DICER1: variants seen among roughly 807,000 people sequenced by gnomAD.
The protein encoded by DICER1 is dicer 1, ribonuclease III.
In DICER1, 43 loss-of-function variants were observed where a neutral mutation model predicts 194.1. The observed-to-expected ratio is 0.22, with a 90% CI of 0.17 to 0.29. The LOEUF is 0.29. Among genes scored for constraint, DICER1 ranks in the 10% least tolerant of loss-of-function variants. The pLI, the probability that DICER1 is intolerant of heterozygous loss-of-function variation, is 1.00. For synonymous variants in DICER1, 832 were observed against 820.5 expected (o/e 1.01, Z -0.24); for missense variants, 1,608 against 2,317.0 (o/e 0.69, Z 6.28).
chr14:95,100,036 T>C, intron 21 of DICER1, 101 bp from the exon 22 acceptor site: 1 of 1,291,780 alleles, frequency 7.7e-7, no homozygotes, highest in Non-Finnish European at 1.1e-6. Flanking sequence ...TTAAAATTAA[T>C]CAATTAATTA....
chr14:95,156,126 T>C (rs1221958212), intron 1 of DICER1, among the ~76,000 whole-genome samples: 1 of 152,262 alleles, frequency 6.6e-6, no homozygotes, highest in Non-Finnish European at 1.5e-5. Context: ...ATATTCAATA[T>C]AGCTAACCTG....
intron 1 of DICER1, among the ~76,000 whole-genome samples, chr14:95,139,125 C>G (rs1274947840): frequency 2.0e-5 from 3 of 152,156 alleles, no homozygotes; most frequent in Non-Finnish European, 4.4e-5. Flanking sequence ...GACTGACCAA[C>G]TGAAAGTGTT....
rs1390383850 is a variant in DICER1 at position 95,124,692 on chromosome 14, A to T, written c.904-24T>A. On this transcript the variant is annotated intron_variant, in intron 7 of 26. Coordinates refer to ENST00000343455, the MANE Select transcript of DICER1 (RefSeq NM_177438.3). The surrounding 1 kb of genome is among the most constrained non-coding windows in gnomAD (Gnocchi z 4.5). Reference sequence around the variant, plus strand: ...ATCTACAAAAAAAAGAAAAGAAAAAACCTAATGCCAAATAATAATAATGTA... The same window carrying T: ...ATCTACAAAAAAAAGAAAAGAAAAATCCTAATGCCAAATAATAATAATGTA... 1 of 1,546,716 alleles carries T rather than the reference A, an allele frequency of 6.5e-7. No homozygotes were observed. The highest frequency in any genetic ancestry group is 1.1e-5 in the South Asian group (1 of 89,642).
intron 1 of DICER1, among the ~76,000 whole-genome samples, chr14:95,137,622 A>C (rs1023120000): frequency 2.6e-5 from 4 of 152,166 alleles, no homozygotes; most frequent in Non-Finnish European, 5.9e-5. Context: ...GAAAGCCATC[A>C]GGCCACAAAT....
intron 17 of DICER1, among the ~76,000 whole-genome samples, chr14:95,106,763 T>G (rs139401263): frequency 6.6e-6 from 1 of 152,262 alleles, no homozygotes; most frequent in African/African-American, 2.4e-5. Flanking sequence ...CTCCATTCCC[T>G]AAATTTTTAT....
At chr14:95,148,434 A>G (rs1473425408) in intron 1 of DICER1, among the ~76,000 whole-genome samples, 1 of 152,222 alleles carries the variant, frequency 6.6e-6, no homozygotes, top group Non-Finnish European at 1.5e-5. Context: ...TTGTATGCCT[A>G]AGAATAGGGT....
intron 1 of DICER1, among the ~76,000 whole-genome samples, chr14:95,137,381 G>A (rs1419786413): frequency 7.1e-6 from 1 of 140,408 alleles, no homozygotes; most frequent in Admixed American, 7.3e-5. Context: ...GGGGGAAGGG[G>A]AAGGAAAAGG....
At position 95,093,496 on chromosome 14, in the gene DICER1, C is replaced by A. The variant is rs73329749; in HGVS notation, c.5364+392G>T. Reference sequence around the variant, plus strand: ...TTATGATGCTTCCCTGAGATATTAGCAAATATTTCTGATCCATTTAAAAAA... The same window carrying A: ...TTATGATGCTTCCCTGAGATATTAGAAAATATTTCTGATCCATTTAAAAAA... On this transcript the variant is annotated intron_variant, in intron 24 of 26. Transcript: ENST00000343455. Among the ~76,000 whole-genome samples, 5,050 of 152,276 alleles carry A rather than the reference C, an allele frequency of 0.033. 302 individuals are homozygous for A. The highest frequency in any genetic ancestry group is 0.12 in the African/African-American group (4,818 of 41,528).
rs1254200271 is a variant in DICER1 at position 95,096,109 on chromosome 14, C to A, written c.4811G>T (p.Cys1604Phe). Residue 1604 changes from cysteine to phenylalanine, a missense_variant, in exon 23 of 27, where the codon TGC becomes TTC. This residue lies in a region of DICER1 where 125 missense variants were observed against 134.9 expected (regional missense o/e 0.93). Transcript: ENST00000343455. ...GCTGTTGAAATTCTCCCGAGTAGGGCACAGGGCCTTTTCCCGATCAGTCCT... is the reference window on the plus strand; with the variant it reads ...GCTGTTGAAATTCTCCCGAGTAGGGAACAGGGCCTTTTCCCGATCAGTCCT... ...IKRTDREKAL[C>F]PTRENFNSQQ... 6.2e-7 allele frequency: 1 copy of A among 1,614,214 alleles called. No individual in the cohort carries two copies. The highest frequency in any genetic ancestry group is 8.5e-7 in the Non-Finnish European group (1 of 1,180,028).
chr14:95,145,899 A>C (rs1259190725), intron 1 of DICER1, among the ~76,000 whole-genome samples: 3 of 152,208 alleles, frequency 2.0e-5, no homozygotes, highest in Non-Finnish European at 2.9e-5. Context: ...ACACAAAAAA[A>C]ACTTCATATA....
chr14:95,115,001 CCTGACTCTAAGGTAGATACTTTGG>C (rs1892309736), intron 11 of DICER1, among the ~76,000 whole-genome samples: 1 of 152,112 alleles, frequency 6.6e-6, no homozygotes, highest in South Asian at 2.1e-4. Flanking sequence ...GAGGACAACT[CCTGACTCTAAGGTAGATACTTTGG>C]CTACAAAGAA....
chr14:95,097,392 G>C (rs888087173), intron 22 of DICER1, among the ~76,000 whole-genome samples: 1 of 152,104 alleles, frequency 6.6e-6, no homozygotes, highest in Non-Finnish European at 1.5e-5. Flanking sequence ...CCTCCACTCT[G>C]AACTACGGTA....
chr14:95,119,601 G>A (rs1892768961), intron 8 of DICER1, among the ~76,000 whole-genome samples: 1 of 151,786 alleles, frequency 6.6e-6, no homozygotes, highest in Non-Finnish European at 1.5e-5. Context: ...TGTTTCTTTT[G>A]GTTTTTACAC....
intron 1 of DICER1, among the ~76,000 whole-genome samples, chr14:95,154,273 C>A (rs901190607): frequency 1.3e-5 from 2 of 152,124 alleles, no homozygotes; most frequent in African/African-American, 4.8e-5. Context: ...TTGGAGGAAC[C>A]CTGAGAAAAC....
chr14:95,100,810 T>A (rs1194178547), intron 21 of DICER1, among the ~76,000 whole-genome samples: 1 of 152,162 alleles, frequency 6.6e-6, no homozygotes, highest in Non-Finnish European at 1.5e-5. Context: ...AGGCACTCGA[T>A]TGGGCAACCC....
intron 14 of DICER1, among the ~76,000 whole-genome samples, chr14:95,108,748 A>G (rs1891688823): frequency 2.0e-5 from 3 of 152,208 alleles, no homozygotes; most frequent in Admixed American, 1.3e-4. Context: ...CTACATAGCT[A>G]ATACCAAAAT....
intron 21 of DICER1, among the ~76,000 whole-genome samples, chr14:95,102,921 T>C (rs1412295083): frequency 6.6e-6 from 1 of 152,192 alleles, no homozygotes; most frequent in African/African-American, 2.4e-5. Context: ...ACTTGTGTCT[T>C]ACTCATGTCT....
In DICER1 at chr14:95,115,789, A is replaced by G. The variant is rs1595406955; in HGVS notation, c.1785T>C (p.Asp595=). Residue 595 remains aspartate, a synonymous_variant, in exon 11 of 27, where the codon GAT becomes GAC. Transcript: ENST00000343455. ...CAGGATCAATGTCAGTCTCACCAGTATCAACCGACTTGGAACACTTGTTTC... is the reference window on the plus strand; with the variant it reads ...CAGGATCAATGTCAGTCTCACCAGTGTCAACCGACTTGGAACACTTGTTTC... ...ILRNKCSKSV[D]TGETDIDPVM... The G allele has an allele frequency of 1.9e-6, 3 of 1,614,186 alleles. No homozygotes were observed. The highest frequency in any genetic ancestry group is 2.5e-6 in the Non-Finnish European group (3 of 1,180,016).
chr14:95,097,648 G>C (rs1485980529), intron 22 of DICER1, among the ~76,000 whole-genome samples: 2 of 151,604 alleles, frequency 1.3e-5, no homozygotes, highest in African/African-American at 4.9e-5. Flanking sequence ...ACTTGTGAAG[G>C]GGGAAGACGA....
Sources: allele counts gnomAD v4.1 joint callset (sites outside exome capture counted in the v4.1 genomes callset), GRCh38; gene constraint gnomAD v4.1.1; regional missense constraint gnomAD v4.1.1; non-coding constraint Gnocchi (gnomAD v3.1); transcripts MANE v1.5; gene names NCBI Gene and HGNC (gene_info 2026-07-23, HGNC 2026-07-21).